The following PTPRM variants were observed in gnomAD, a reference collection of about 807,000 sequenced individuals.
PTPRM encodes protein tyrosine phosphatase receptor type M, also known as receptor-type tyrosine-protein phosphatase mu.
Under a neutral mutation model 186.7 loss-of-function variants are expected in PTPRM, and 47 were observed. The observed-to-expected ratio is 0.25, with a 90% confidence interval of 0.20 to 0.32. The LOEUF (loss-of-function observed/expected upper bound fraction) is 0.32. Ranked by LOEUF, PTPRM falls within the 10% of genes least tolerant of loss-of-function variation. The probability of loss-of-function intolerance (pLI) is 1.00; values close to 1 mark genes in which losing one functional copy is unlikely to be tolerated. For missense variants in PTPRM, 1,494 were observed against 1,865.0 expected, an observed-to-expected ratio of 0.80 and a Z score of 3.66; for synonymous variants, 668 against 674.9, an observed-to-expected ratio of 0.99 and a Z score of 0.16.
intron 22 of PTPRM, among the ~76,000 whole-genome samples, chr18:8,340,073 G>A (rs947703925): frequency 6.6e-6 from 1 of 152,158 alleles, no homozygotes; most frequent in Non-Finnish European, 1.5e-5. Context: ...GCCCACCCCT[G>A]AGCAATTTTA....
At chr18:8,379,362 C>A in intron 28 of PTPRM, 22 bp downstream of exon 28, 1 of 1,585,030 alleles carries the variant, frequency 6.3e-7, no homozygotes, top group South Asian at 1.1e-5. Context: ...GCTTCCCGCA[C>A]GGGTCCGAGG....
At chr18:7,714,774 G>A (rs2040288918) in intron 1 of PTPRM, among the ~76,000 whole-genome samples, 1 of 152,096 alleles carries the variant, frequency 6.6e-6, no homozygotes, top group Non-Finnish European at 1.5e-5. Context: ...TAGAAGAAAT[G>A]GATAAATTCC....
intron 14 of PTPRM, among the ~76,000 whole-genome samples, chr18:8,147,101 T>C (rs2110175): frequency 0.11 from 16,983 of 152,232 alleles, 1,257 homozygotes; most frequent in East Asian, 0.26. Flanking sequence ...CCAGTTTTGT[T>C]CTTTTTACTT....
chr18:8,053,036 A>G (rs547196941), intron 7 of PTPRM, among the ~76,000 whole-genome samples: 11 of 152,118 alleles, frequency 7.2e-5, no homozygotes, highest in African/African-American at 2.7e-4. Context: ...TTTTCTTGTG[A>G]TTGGTGGAAG....
intron 2 of PTPRM, among the ~76,000 whole-genome samples, chr18:7,887,692 G>A (rs951907973): frequency 2.0e-5 from 3 of 152,196 alleles, no homozygotes; most frequent in East Asian, 1.9e-4. Flanking sequence ...GCCCAGTGTG[G>A]TAGCTACTTG....
chr18:7,795,400 T>G (rs1461116094), intron 2 of PTPRM, among the ~76,000 whole-genome samples: 1 of 151,986 alleles, frequency 6.6e-6, no homozygotes, highest in Non-Finnish European at 1.5e-5. Flanking sequence ...CCTGTGTAAC[T>G]CAGGGTTCTT....
intron 1 of PTPRM, among the ~76,000 whole-genome samples, chr18:7,622,712 C>T (rs1038130570): frequency 6.6e-6 from 1 of 152,110 alleles, no homozygotes; most frequent in African/African-American, 2.4e-5. Flanking sequence ...GAGAAAATGA[C>T]GTCCCTGCTG....
chr18:7,851,397 G>A (rs2046851665), intron 2 of PTPRM, among the ~76,000 whole-genome samples: 1 of 152,032 alleles, frequency 6.6e-6, no homozygotes, highest in African/African-American at 2.4e-5. Flanking sequence ...ACTTATATAT[G>A]CTGTCATCAA....
chr18:8,093,671 GA>G (rs770245186), intron 11 of PTPRM, among the ~76,000 whole-genome samples: 3 of 150,230 alleles, frequency 2.0e-5, no homozygotes, highest in East Asian at 2.0e-4. Context: ...TAATAACTCA[GA>G]AAAAAAAATG....
chr18:8,295,324 T>C (rs2095084986), intron 19 of PTPRM, among the ~76,000 whole-genome samples: 1 of 152,020 alleles, frequency 6.6e-6, no homozygotes, highest in Admixed American at 6.6e-5. Flanking sequence ...GAAAATATTG[T>C]AAATGGTGGA....
chr18:7,727,348 A>G (rs2040570307), intron 1 of PTPRM, among the ~76,000 whole-genome samples: 1 of 152,202 alleles, frequency 6.6e-6, no homozygotes, highest in Non-Finnish European at 1.5e-5. Context: ...CTCATCAAGC[A>G]GATGCCTTTA....
intron 7 of PTPRM, among the ~76,000 whole-genome samples, chr18:8,044,893 G>T (rs372785295): frequency 2.6e-5 from 4 of 152,032 alleles, no homozygotes; most frequent in Admixed American, 6.5e-5. Context: ...TGAATCCCTC[G>T]TATATTGCTG....
chr18:8,218,554 G>GTTTTGAA (rs1347913612), intron 14 of PTPRM, among the ~76,000 whole-genome samples: 1 of 152,158 alleles, frequency 6.6e-6, no homozygotes, highest in Non-Finnish European at 1.5e-5. Context: ...TCTGTAGGTG[G>GTTTTGAA]TTTTGAATAA....
chr18:7,718,571 TTAAAC>T (rs1233092233), intron 1 of PTPRM, among the ~76,000 whole-genome samples: 1 of 152,140 alleles, frequency 6.6e-6, no homozygotes, highest in African/African-American at 2.4e-5. Flanking sequence ...TGGGACCTAA[TTAAAC>T]TAAAAAGCTT....
At chr18:7,858,575 G>A (rs1268481389) in intron 2 of PTPRM, among the ~76,000 whole-genome samples, 1 of 152,098 alleles carries the variant, frequency 6.6e-6, no homozygotes, top group African/African-American at 2.4e-5. Context: ...CAAAAAATAA[G>A]TAAGTTCAGA....
intron 23 of PTPRM, among the ~76,000 whole-genome samples, chr18:8,343,888 T>G (rs1482315120): frequency 6.6e-6 from 1 of 152,104 alleles, no homozygotes; most frequent in Non-Finnish European, 1.5e-5. Context: ...CTAAAAACAG[T>G]GTGCAGCTCT....
chr18:8,201,500 TC>T (rs2093856382), intron 14 of PTPRM, among the ~76,000 whole-genome samples: 1 of 152,216 alleles, frequency 6.6e-6, no homozygotes. Context: ...TATTACTATA[TC>T]TATTTATTAG....
At position 7,667,215 on chromosome 18, in the gene PTPRM, A is replaced by G. The variant is rs186001911; in HGVS notation, c.73+99324A>G. ...GTAGTAATTAGATTACCATTTTATGATGATATCATGTAACAGAATATGAAG... is the reference window on the plus strand; with the variant it reads ...GTAGTAATTAGATTACCATTTTATGGTGATATCATGTAACAGAATATGAAG... On this transcript the variant is annotated intron_variant, in intron 1 of 32. Transcript: ENST00000580170. Among the ~76,000 whole-genome samples, 282 of 152,348 alleles carry G rather than the reference A, an allele frequency of 1.9e-3. 2 individuals are homozygous for G. The highest frequency in any genetic ancestry group is 3.5e-3 in the Admixed American group (53 of 15,310).
intron 2 of PTPRM, among the ~76,000 whole-genome samples, chr18:7,793,609 T>C (rs961170386): frequency 2.6e-5 from 4 of 152,148 alleles, no homozygotes; most frequent in Non-Finnish European, 4.4e-5. Flanking sequence ...AGTTGGTTAT[T>C]TTCCCCATTC....
Sources: gnomAD v4.1 joint callset for allele counts (sites outside exome capture counted in the v4.1 genomes callset) on GRCh38, gnomAD v4.1.1 for gene constraint, MANE v1.5 for transcripts, NCBI Gene and HGNC (gene_info 2026-07-23, HGNC 2026-07-21) for gene names.